FLT1: variants seen among roughly 807,000 people sequenced by gnomAD.
The protein encoded by FLT1 is fms related receptor tyrosine kinase 1, also known as vascular endothelial growth factor receptor 1.
FLT1 carries 49 observed loss-of-function variants against 156.3 expected under a neutral mutation model. The ratio of observed to expected loss-of-function variants is 0.31; its 90% CI spans 0.25 to 0.40. FLT1 has a LOEUF of 0.40. Ranked by LOEUF, FLT1 falls within the 10% of genes least tolerant of loss-of-function variation. The probability of loss-of-function intolerance (pLI) is 1.00; values close to 1 mark genes in which losing one functional copy is unlikely to be tolerated. For missense variants in FLT1, 1,322 were observed against 1,637.2 expected, an observed-to-expected ratio of 0.81 and a Z score of 3.32; for synonymous variants, 594 against 583.8, an observed-to-expected ratio of 1.02 and a Z score of -0.25.
intron 1 of FLT1, among the ~76,000 whole-genome samples, chr13:28,493,486 T>A (rs878940916): frequency 6.6e-6 from 1 of 152,230 alleles, no homozygotes; most frequent in Admixed American, 6.5e-5. Context: ...AAAGAATATT[T>A]AATTATTACT....
chr13:28,431,130 G>T lies in FLT1; in HGVS notation c.988+6C>A. 5 of 1,610,230 alleles carry T rather than the reference G, an allele frequency of 3.1e-6. No individual in the cohort carries two copies. The highest frequency in any genetic ancestry group is 4.2e-6 in the Non-Finnish European group (5 of 1,176,514). On this transcript the variant is annotated splice_donor_region_variant and intron_variant, in intron 7 of 29. Coordinates refer to ENST00000282397, the MANE Select transcript of FLT1 (RefSeq NM_002019.4). ...GCATGAGTTGGCAACGCTGAACTAT[G>T]CTTACCATATATATGCACTGAGGTG... is the stretch of plus-strand genomic sequence containing the variant.
At chr13:28,344,640 C>A (rs1431913359) in intron 16 of FLT1, among the ~76,000 whole-genome samples, 1 of 152,060 alleles carries the variant, frequency 6.6e-6, no homozygotes, top group Non-Finnish European at 1.5e-5. Context: ...ATATTACAGA[C>A]CTAAGTATAG....
chr13:28,336,701 T>A (rs1364618277), intron 17 of FLT1, among the ~76,000 whole-genome samples: 1 of 152,134 alleles, frequency 6.6e-6, no homozygotes, highest in Non-Finnish European at 1.5e-5. Flanking sequence ...GACTTTTGAT[T>A]ATTTTTCAAT....
chr13:28,302,932 C>G lies in FLT1; in HGVS notation c.*235G>C. 1 of 555,338 alleles carries G rather than the reference C, an allele frequency of 1.8e-6. No individual in the cohort carries two copies. Among genetic ancestry groups the G allele is most frequent in the Middle Eastern group, 4.8e-4 (1 of 2,070 alleles). 34.4% of individuals were successfully genotyped at this position (555,338 alleles called of 1,614,324 possible). A position where few individuals can be genotyped will look rare whatever the true frequency, so the allele number is the denominator to read the frequency against. ...GGGTTTAGGAAGGATTTCTCTAACACTGAGTAACATGAGGATTTAGCAGTA... is the reference window on the plus strand; with the variant it reads ...GGGTTTAGGAAGGATTTCTCTAACAGTGAGTAACATGAGGATTTAGCAGTA... On this transcript the variant is annotated 3_prime_UTR_variant, in exon 30 of 30. Transcript: ENST00000282397.
intron 3 of FLT1, among the ~76,000 whole-genome samples, chr13:28,454,115 G>C (rs1382493358): frequency 6.6e-6 from 1 of 152,134 alleles, no homozygotes; most frequent in African/African-American, 2.4e-5. Context: ...CCCCAGTATG[G>C]TTAATTGTAA....
At chr13:28,395,088 C>T (rs1874963981) in intron 12 of FLT1, among the ~76,000 whole-genome samples, 1 of 152,160 alleles carries the variant, frequency 6.6e-6, no homozygotes, top group Admixed American at 6.5e-5. Context: ...GGTGCTGCCA[C>T]AATCTGCTCT....
intron 11 of FLT1, among the ~76,000 whole-genome samples, 184 bp downstream of exon 11, chr13:28,405,596 G>A (rs1385661051): frequency 6.6e-6 from 1 of 152,168 alleles, no homozygotes; most frequent in Non-Finnish European, 1.5e-5. Flanking sequence ...CATTATGTTG[G>A]AACTGGTAGC....
In FLT1 at chr13:28,314,170, T is replaced by C. The variant is rs150298477; in HGVS notation, c.3387-2072A>G. ...AAGAGAGGCCTTCAGGCAGAGGCTC[T>C]GGGCTCGTCTCCTCCTGCACCATCG... On this transcript the variant is annotated intron_variant, in intron 25 of 29. Coordinates refer to ENST00000282397, the MANE Select transcript of FLT1 (RefSeq NM_002019.4). Among the ~76,000 whole-genome samples the C allele has an allele frequency of 2.5e-3, 386 of 152,302 alleles. 3 individuals carry two copies. Among genetic ancestry groups the C allele is most frequent in the African/African-American group, 8.9e-3 (371 of 41,562 alleles).
intron 3 of FLT1, among the ~76,000 whole-genome samples, chr13:28,441,596 A>C (rs1447178933): frequency 6.6e-6 from 1 of 152,150 alleles, no homozygotes; most frequent in Non-Finnish European, 1.5e-5. Flanking sequence ...TCAAAAATAT[A>C]AATATATATT....
chr13:28,399,259 CA>C, intron 11 of FLT1: 1 of 516,576 alleles, frequency 1.9e-6, no homozygotes. Context: ...GTGTCAGCTC[CA>C]GCACTGTTTT....
chr13:28,317,343 G>A (rs1418227913), intron 25 of FLT1, among the ~76,000 whole-genome samples, 155 bp downstream of exon 25: 1 of 152,204 alleles, frequency 6.6e-6, no homozygotes, highest in African/African-American at 2.4e-5. Flanking sequence ...AGCATATCTG[G>A]GCCTGATGGG....
intron 10 of FLT1, among the ~76,000 whole-genome samples, chr13:28,416,464 T>A (rs1268552900): frequency 6.6e-6 from 1 of 152,250 alleles, no homozygotes; most frequent in Non-Finnish European, 1.5e-5. Flanking sequence ...TGGTTGATGT[T>A]GTGCTGGAAA....
chr13:28,402,893 G>A (rs920698728), intron 11 of FLT1, among the ~76,000 whole-genome samples: 1 of 152,088 alleles, frequency 6.6e-6, no homozygotes, highest in African/African-American at 2.4e-5. Flanking sequence ...GAGTTCAAGC[G>A]ATTCTTGTGC....
At chr13:28,366,179 G>A (rs1319677144) in intron 14 of FLT1, among the ~76,000 whole-genome samples, 1 of 152,056 alleles carries the variant, frequency 6.6e-6, no homozygotes. Flanking sequence ...TAGATCTACT[G>A]TGAAGGCCAA....
chr13:28,456,759 G>GC (rs1253374934), intron 3 of FLT1, among the ~76,000 whole-genome samples: 1 of 151,106 alleles, frequency 6.6e-6, no homozygotes, highest in Non-Finnish European at 1.5e-5. Flanking sequence ...TTGCACCACT[G>GC]CCCTCCAGCC....
chr13:28,334,017 A>T lies in FLT1; in HGVS notation c.2593+8T>A. On this transcript the variant is annotated splice_region_variant and intron_variant, in intron 18 of 29. Coordinates refer to ENST00000282397, the MANE Select transcript of FLT1 (RefSeq NM_002019.4). ...GGTCAGTTGAAAGCCAAACTACAGC[A>T]TACATACCTTTCAGCATTTTCACAG... 6.4e-7 allele frequency: 1 copy of T among 1,568,188 alleles called. No individual in the cohort carries two copies. Among genetic ancestry groups the T allele is most frequent in the Non-Finnish European group, 8.8e-7 (1 of 1,138,056 alleles).
Position 28,431,236 on chromosome 13 carries a change from A to G in FLT1, c.888T>C (p.Leu296=). Residue 296 remains leucine (L), a synonymous_variant, in exon 7 of 30, where the codon CTT becomes CTC. Transcript: ENST00000282397. ...CTTTGTTCTGCATTTTGTCAATAGT[A>G]AGAACACTGTAGAATATGTTGGCAT... ...NSHANIFYSV[L]TIDKMQNKDK... The G allele has an allele frequency of 6.2e-7, 1 of 1,613,302 alleles. No individual in the cohort carries two copies. The highest frequency in any genetic ancestry group is 8.5e-7 in the Non-Finnish European group (1 of 1,179,192).
At chr13:28,480,162 T>C (rs1207394291) in intron 1 of FLT1, among the ~76,000 whole-genome samples, 2 of 152,212 alleles carry the variant, frequency 1.3e-5, no homozygotes, top group South Asian at 4.1e-4. Context: ...TATCTCTCTT[T>C]TACTGCCACC....
chr13:28,326,198 C>T (rs929144994), intron 20 of FLT1, among the ~76,000 whole-genome samples: 7 of 152,148 alleles, frequency 4.6e-5, no homozygotes, highest in Non-Finnish European at 8.8e-5. Flanking sequence ...ATTCTCTCAA[C>T]AATCCCATCA....
Sources: gnomAD v4.1 joint callset for allele counts (sites outside exome capture counted in the v4.1 genomes callset) on GRCh38, gnomAD v4.1.1 for gene constraint, MANE v1.5 for transcripts, NCBI Gene and HGNC (gene_info 2026-07-23, HGNC 2026-07-21) for gene names.